ADGRG4: variants seen among roughly 807,000 people sequenced by gnomAD.
ADGRG4 encodes the protein G protein-coupled receptor 112.
ADGRG4 carries 122 observed loss-of-function variants against 126.2 expected under a neutral mutation model. The ratio of observed to expected loss-of-function variants is 0.97; its 90% CI spans 0.83 to 1.12. The LOEUF (loss-of-function observed/expected upper bound fraction) is 1.12, where lower values mean the gene tolerates loss of function less well. Ranked by LOEUF, ADGRG4 falls within the 50% of genes most tolerant of loss-of-function variation. ADGRG4 has a pLI of 0.00. For missense variants in ADGRG4, 2,481 were observed against 2,251.8 expected (o/e 1.10, Z -2.06); for synonymous variants, 943 against 838.7 (o/e 1.12, Z -2.15).
At chrX:136,399,287 C>A (rs2075367015) in intron 20 of ADGRG4, among the ~76,000 whole-genome samples, 1 of 112,250 alleles carries the variant, frequency 8.9e-6, no homozygotes, top group South Asian at 3.6e-4. Context: ...AAAAAATTCA[C>A]ACAAAATGAA....
chrX:136,309,355 A>G (rs947734227), intron 4 of ADGRG4, among the ~76,000 whole-genome samples: 5 of 111,956 alleles, frequency 4.5e-5, no homozygotes, highest in Non-Finnish European at 9.4e-5. Context: ...CCTTCCCTAG[A>G]CTCTATGACA....
intron 23 of ADGRG4, among the ~76,000 whole-genome samples, chrX:136,408,886 C>G (rs1478223115): frequency 1.8e-5 from 2 of 111,197 alleles, no homozygotes; most frequent in African/African-American, 6.6e-5. Flanking sequence ...AAATCAAAGT[C>G]CCATAGATCC....
At chrX:136,385,092 G>A (rs766456979) in intron 15 of ADGRG4, among the ~76,000 whole-genome samples, 8 of 111,206 alleles carry the variant, frequency 7.2e-5, no homozygotes, top group Non-Finnish European at 1.5e-4. Flanking sequence ...ACATATCCCT[G>A]AGACTGTTCA....
In ADGRG4 at chrX:136,363,592, G is replaced by T. The variant is rs2075141033; in HGVS notation, c.7393G>T (p.Asp2465Tyr). The T allele has an allele frequency of 2.8e-6, 3 of 1,063,711 alleles. No individual in the cohort carries two copies. Among genetic ancestry groups the T allele is most frequent in the Non-Finnish European group, 3.9e-6 (3 of 760,930 alleles). The allele number at this position is 1,063,711 out of a possible 1,213,427, so 87.7% of individuals were successfully genotyped here. A position where few individuals can be genotyped will look rare whatever the true frequency, so the allele number is the denominator to read the frequency against. ...IVDLANITIS[D>Y]ENAEDVAEHI... The stretch of plus-strand genomic sequence containing the variant: ...GGATCTTGCTAATATTACCATAAGT[G>T]ATGGTAAGATTGTTTTGTACATATA... The change falls in exon 13 of 26, where the codon GAT becomes TAT. Residue 2465 changes from aspartate (D) to tyrosine (Y), a missense_variant. By Grantham distance (160) the Asp-to-Tyr change is radical. Transcript: ENST00000394143.
intron 11 of ADGRG4, 113 bp downstream of exon 11, chrX:136,359,568 T>C (rs1314586921): frequency 1.6e-6 from 1 of 613,192 alleles, no homozygotes; most frequent in East Asian, 3.7e-5. Flanking sequence ...AAGTCATCTT[T>C]CTGTTTTTTT....
At position 136,413,224 on chromosome X, in the gene ADGRG4, G is replaced by T. The variant is rs183588737; in HGVS notation, c.9037+858G>T. ...TCTAGCATTAGGTATATCTCCCGAT[G>T]CTATCCCTCCCCCCTCCCCGCACCC... On this transcript the variant is annotated intron_variant, in intron 24 of 25. Coordinates refer to ENST00000394143, the MANE Select transcript of ADGRG4 (RefSeq NM_153834.4). Among the ~76,000 whole-genome samples, 38 of 106,650 alleles carry T rather than the reference G, an allele frequency of 3.6e-4. 1 individual carries two copies. The East Asian group carries it at 0.011, about 31-fold the overall frequency. The allele number at this position is 106,650 out of a possible 115,157, so 92.6% of individuals were successfully genotyped here.
intron 5 of ADGRG4, among the ~76,000 whole-genome samples, chrX:136,332,662 C>T (rs2074920188): frequency 9.2e-6 from 1 of 108,690 alleles, no homozygotes; most frequent in South Asian, 4.2e-4. Context: ...TCCTCTCCAG[C>T]ACCTGTTGTT....
At position 136,346,527 on chromosome X, in the gene ADGRG4, T is replaced by C. The variant is rs752904930; in HGVS notation, c.2821T>C (p.Trp941Arg). Residue 941 changes from tryptophan (W) to arginine (R), a missense_variant, in exon 6 of 26, where the codon TGG becomes CGG. Transcript: ENST00000394143. Reference protein sequence around the residue: ...FNFNHTYVAHWTSETSEGISA... With the variant: ...FNFNHTYVAHRTSETSEGISA... ...TTTTAACCACACCTATGTAGCACATTGGACTTCAGAGACATCTGAGGGAAT... is the reference window on the plus strand; with the variant it reads ...TTTTAACCACACCTATGTAGCACATCGGACTTCAGAGACATCTGAGGGAAT... 3.3e-6 allele frequency: 4 copies of C among 1,206,713 alleles called. No individual in the cohort carries two copies. The highest frequency in any genetic ancestry group is 4.5e-6 in the Non-Finnish European group (4 of 891,201).
chrX:136,378,631 T>C (rs1391523905), intron 15 of ADGRG4, among the ~76,000 whole-genome samples: 1 of 111,835 alleles, frequency 8.9e-6, no homozygotes, highest in Non-Finnish European at 1.9e-5. Context: ...TGTTTTGTTT[T>C]TTTAAAAGAT....
chrX:136,413,903 G>A (rs1201232592), intron 24 of ADGRG4, among the ~76,000 whole-genome samples: 1 of 110,202 alleles, frequency 9.1e-6, no homozygotes, highest in African/African-American at 3.3e-5. Flanking sequence ...ACCCCGCCCG[G>A]CTAATTTTGT....
chrX:136,303,304 T>G, intron 1 of ADGRG4, among the ~76,000 whole-genome samples: 1 of 109,931 alleles, frequency 9.1e-6, no homozygotes, highest in Middle Eastern at 4.6e-3. Flanking sequence ...ACTACAAAAA[T>G]TAGCCAGGCG....
At chrX:136,350,577 A>G (rs2075056005) in intron 6 of ADGRG4, 144 bp downstream of exon 6, 5 of 498,613 alleles carry the variant, frequency 1.0e-5, no homozygotes, top group South Asian at 3.9e-5. Context: ...GACAGTGGGT[A>G]CAGTGAGTAC....
rs751423188 is a variant in ADGRG4 at position 136,323,310 on chromosome X, A to G, written c.603A>G (p.Leu201=). ...AAAACGAAGAGTTTATGAAGTGTTT[A>G]GATGGAAATATAGTTAGTTGGGAAG... ...ILENEEFMKC[L]DGNIVSWEED... is the part of the protein sequence containing the mutation. Residue 201 remains leucine, a synonymous_variant, in exon 5 of 26, where the codon TTA becomes TTG. Transcript: ENST00000394143. The G allele has an allele frequency of 2.5e-5, 30 of 1,208,198 alleles. 1 individual carries two copies. In the South Asian group the frequency reaches 5.1e-4, roughly 21 times the overall value.
chrX:136,409,810 A>G (rs1325372654), intron 23 of ADGRG4, among the ~76,000 whole-genome samples: 3 of 112,062 alleles, frequency 2.7e-5, no homozygotes, highest in Non-Finnish European at 5.6e-5. Flanking sequence ...AGGGACTAAG[A>G]GCTCACCATT....
intron 23 of ADGRG4, among the ~76,000 whole-genome samples, chrX:136,406,210 C>A (rs903546290): frequency 2.7e-5 from 3 of 112,525 alleles, no homozygotes; most frequent in African/African-American, 9.7e-5. Context: ...TTATAGTGTT[C>A]ATTGTATCAA....
At chrX:136,387,149 C>T (rs1460486302) in intron 15 of ADGRG4, among the ~76,000 whole-genome samples, 1 of 111,626 alleles carries the variant, frequency 9.0e-6, no homozygotes, top group Middle Eastern at 4.2e-3. Context: ...GCCCCAGCCC[C>T]CATTATTATC....
Position 136,347,624 on chromosome X carries a change from A to G in ADGRG4, c.3918A>G (p.Lys1306=). ...MTDTGFPETT[K]ISSHQTHSPS... is the part of the protein sequence containing the mutation. ...ATACAGGATTTCCTGAGACCACAAA[A>G]ATTTCCAGTCACCAAACACATTCGC... is the stretch of plus-strand genomic sequence containing the variant. Residue 1306 remains lysine (K), a synonymous_variant, in exon 6 of 26, where the codon AAA becomes AAG. Transcript: ENST00000394143. The G allele has an allele frequency of 4.1e-6, 5 of 1,209,245 alleles. No homozygotes were observed. Among genetic ancestry groups the G allele is most frequent in the Non-Finnish European group, 5.6e-6 (5 of 894,162 alleles).
chrX:136,302,109 A>G (rs2074704528), intron 1 of ADGRG4, among the ~76,000 whole-genome samples: 1 of 111,981 alleles, frequency 8.9e-6, no homozygotes, highest in African/African-American at 3.3e-5. Flanking sequence ...TTTTTTTCCA[A>G]TTCTGTGAAG....
At chrX:136,394,682 C>T (rs991815401) in intron 18 of ADGRG4, among the ~76,000 whole-genome samples, 1 of 111,965 alleles carries the variant, frequency 8.9e-6, no homozygotes, top group Admixed American at 9.4e-5. Flanking sequence ...ACCTCTGCCC[C>T]GTGGATCTAG....
Sources: gnomAD v4.1 joint callset for allele counts (sites outside exome capture counted in the v4.1 genomes callset) on GRCh38, gnomAD v4.1.1 for gene constraint, MANE v1.5 for transcripts, NCBI Gene and HGNC (gene_info 2026-07-23, HGNC 2026-07-21) for gene names.